The following MCC variants were observed in gnomAD, a reference collection of about 807,000 sequenced individuals.
MCC encodes the protein colorectal mutant cancer protein.
A neutral mutation model predicts 116.2 loss-of-function variants in MCC; 90 were observed. The observed-to-expected ratio is 0.77, with a 90% CI of 0.65 to 0.92. The LOEUF is 0.92. MCC is among the 40% of genes least tolerant of loss of function. The pLI is 0.00. For synonymous variants in MCC, 578 were observed against 510.5 expected (o/e 1.13, Z -1.78); for missense variants, 1,516 against 1,312.2 (o/e 1.16, Z -2.40).
chr5:113,180,284 T>C (rs1581211333), intron 3 of MCC, among the ~76,000 whole-genome samples: 2 of 152,166 alleles, frequency 1.3e-5, no homozygotes, highest in Non-Finnish European at 2.9e-5. Flanking sequence ...TTCCAATTTA[T>C]AATAATAATC....
intron 3 of MCC, among the ~76,000 whole-genome samples, chr5:113,324,117 T>C (rs1295843492): frequency 1.3e-5 from 2 of 152,124 alleles, no homozygotes; most frequent in African/African-American, 4.8e-5. Context: ...AGGAAACAAA[T>C]GGACAGGAGA....
chr5:113,151,422 G>C lies in MCC; in HGVS notation c.628C>G (p.Leu210Val). 1.3e-6 allele frequency: 2 copies of C among 1,570,532 alleles called. No individual in the cohort carries two copies. The highest frequency in any genetic ancestry group is 8.7e-7 in the Non-Finnish European group (1 of 1,143,166). ...AGTGATGCCAGGGCTGCTGAATGGA[G>C]CTGTGGTGACAGAAAGGAGGAGATT... is the stretch of plus-strand genomic sequence containing the variant. ...GGSYLELANT[L>V]HSAALASLKG... is the part of the protein sequence containing the mutation. The change falls in exon 4 of 19, where the codon CTC becomes GTC. Residue 210 changes from leucine to valine, a missense_variant and splice_region_variant. Physicochemically the swap from Leu to Val is conservative, Grantham distance 32 (BLOSUM62 1). Transcript: ENST00000408903.
intron 2 of MCC, among the ~76,000 whole-genome samples, chr5:113,380,619 C>T (rs1035150622): frequency 6.6e-6 from 1 of 152,186 alleles, no homozygotes; most frequent in East Asian, 1.9e-4. Context: ...ATTAGTAATC[C>T]GGTGGAAATT....
chr5:113,238,691 C>T (rs182268970), intron 3 of MCC, among the ~76,000 whole-genome samples: 2 of 152,258 alleles, frequency 1.3e-5, no homozygotes, highest in East Asian at 3.8e-4. Flanking sequence ...TTTCATCCTC[C>T]CACATGCCAA....
intron 1 of MCC, among the ~76,000 whole-genome samples, chr5:113,409,495 G>C (rs1204007902): frequency 3.3e-5 from 5 of 151,948 alleles, no homozygotes; most frequent in Non-Finnish European, 7.4e-5. Context: ...GGAACCACAC[G>C]TGTGCACCAA....
At chr5:113,289,086 A>G (rs535966831) in intron 3 of MCC, among the ~76,000 whole-genome samples, 1 of 152,264 alleles carries the variant, frequency 6.6e-6, no homozygotes, top group South Asian at 2.1e-4. Context: ...CAATCCCAAC[A>G]CTTTGGGAGG....
intron 1 of MCC, among the ~76,000 whole-genome samples, chr5:113,392,152 G>C (rs1265891115): frequency 6.6e-6 from 1 of 151,714 alleles, no homozygotes; most frequent in African/African-American, 2.4e-5. Context: ...GATGCCTTGA[G>C]GCCAGGAGTT....
At chr5:113,068,591 G>A (rs919621569) in intron 12 of MCC, among the ~76,000 whole-genome samples, 1 of 152,242 alleles carries the variant, frequency 6.6e-6, no homozygotes, top group Non-Finnish European at 1.5e-5. Context: ...AGAAGTGACA[G>A]TAGGTCATTT....
At chr5:113,433,432 G>A (rs1024984340) in intron 1 of MCC, 24 of 595,472 alleles carry the variant, frequency 4.0e-5, no homozygotes, top group Non-Finnish European at 6.5e-5. Context: ...TGCTGTCACT[G>A]AGCCGTTGCG....
intron 3 of MCC, among the ~76,000 whole-genome samples, chr5:113,337,433 C>A (rs1009240562): frequency 2.0e-4 from 30 of 152,164 alleles, no homozygotes; most frequent in Admixed American, 5.9e-4. Flanking sequence ...ATTCAGTGGG[C>A]TGCAGACTTT....
intron 3 of MCC, among the ~76,000 whole-genome samples, chr5:113,214,024 G>C (rs1763222425): frequency 6.6e-6 from 1 of 152,170 alleles, no homozygotes; most frequent in Admixed American, 6.5e-5. Flanking sequence ...TTGTAGGACT[G>C]ATGTTTTTTG....
At chr5:113,479,927 CAAG>C (rs1316018092) in intron 1 of MCC, among the ~76,000 whole-genome samples, 2 of 152,034 alleles carry the variant, frequency 1.3e-5, no homozygotes, top group Non-Finnish European at 2.9e-5. Flanking sequence ...TTACTGTTTC[CAAG>C]AAGAATAAAT....
At chr5:113,192,262 T>A (rs1465713449) in intron 3 of MCC, among the ~76,000 whole-genome samples, 2 of 152,184 alleles carry the variant, frequency 1.3e-5, no homozygotes, top group Non-Finnish European at 2.9e-5. Context: ...AGGTCACCCT[T>A]TGAAAACACC....
At chr5:113,366,898 C>T (rs979912270) in intron 2 of MCC, among the ~76,000 whole-genome samples, 16 of 152,106 alleles carry the variant, frequency 1.1e-4, no homozygotes, top group African/African-American at 3.9e-4. Flanking sequence ...ACCTCCTGGG[C>T]TCAAGTGATC....
At chr5:113,328,658 T>C (rs1581402784) in intron 3 of MCC, among the ~76,000 whole-genome samples, 1 of 152,258 alleles carries the variant, frequency 6.6e-6, no homozygotes, top group East Asian at 1.9e-4. Context: ...TGTCTAAGGA[T>C]AAATAACTGC....
chr5:113,109,270 T>C (rs766225703), intron 6 of MCC, among the ~76,000 whole-genome samples: 3 of 152,186 alleles, frequency 2.0e-5, no homozygotes, highest in Non-Finnish European at 4.4e-5. Context: ...AGCCCAGGGG[T>C]ATACTGACAG....
At chr5:113,333,838 T>TATATGTACATATGTATATATGTAC (rs1554076897) in intron 3 of MCC, among the ~76,000 whole-genome samples, 5 of 28,832 alleles carry the variant, frequency 1.7e-4, no homozygotes, top group Admixed American at 6.8e-4. Context: ...TATATATGTA[T>TATATGTACATATGTATATATGTAC]ATATGTATAT....
In MCC at chr5:113,049,116, C is replaced by G; in HGVS notation, c.2632G>C (p.Gly878Arg). ...RMRSLSSTSS[G>R]SKDKPGKECA... ...ACCTTGCCAGGTTTGTCTTTGCTGC[C>G]GCTGCTGGTGGAGCTGAGGGATCGC... The change falls in exon 16 of 19, where the codon GGC becomes CGC. Residue 878 changes from glycine to arginine, a missense_variant. Coordinates refer to ENST00000408903, the MANE Select transcript of MCC (RefSeq NM_001085377.2). The G allele has an allele frequency of 5.6e-6, 9 of 1,614,174 alleles. No homozygotes were observed. Among genetic ancestry groups the G allele is most frequent in the Non-Finnish European group, 7.6e-6 (9 of 1,180,026 alleles).
chr5:113,164,207 G>A (rs1465469081), intron 3 of MCC, among the ~76,000 whole-genome samples: 1 of 152,178 alleles, frequency 6.6e-6, no homozygotes. Context: ...AGTGCTGCCT[G>A]CAGGTGGTCA....
Sources: gnomAD v4.1 joint callset for allele counts (sites outside exome capture counted in the v4.1 genomes callset) on GRCh38, gnomAD v4.1.1 for gene constraint, MANE v1.5 for transcripts, NCBI Gene and HGNC (gene_info 2026-07-23, HGNC 2026-07-21) for gene names.